DIAPH3: variants seen among roughly 807,000 people sequenced by gnomAD.
DIAPH3 encodes diaphanous related formin 3.
Under a neutral mutation model 144.3 loss-of-function variants are expected in DIAPH3, and 117 were observed. The observed-to-expected ratio is 0.81, with a 90% confidence interval of 0.70 to 0.95. The LOEUF (loss-of-function observed/expected upper bound fraction) is 0.95. Ranked by LOEUF, DIAPH3 falls within the 40% of genes least tolerant of loss-of-function variation. The pLI is 0.00. For synonymous variants in DIAPH3, 519 were observed against 488.9 expected, an observed-to-expected ratio of 1.06 and a Z score of -0.81; for missense variants, 1,421 against 1,412.7, an observed-to-expected ratio of 1.01 and a Z score of -0.09.
chr13:59,711,725 T>A (rs1252343730), intron 27 of DIAPH3, among the ~76,000 whole-genome samples: 1 of 152,230 alleles, frequency 6.6e-6, no homozygotes, highest in Non-Finnish European at 1.5e-5. Flanking sequence ...TATGTTCCTA[T>A]ATTAGGTGAA....
intron 17 of DIAPH3, among the ~76,000 whole-genome samples, chr13:59,926,263 C>T (rs2047746883): frequency 6.6e-6 from 1 of 152,180 alleles, no homozygotes; most frequent in African/African-American, 2.4e-5. Flanking sequence ...GCTAAGATTA[C>T]AGGTGTGAGC....
chr13:59,921,146 AT>A (rs1455783430), intron 18 of DIAPH3, among the ~76,000 whole-genome samples: 2 of 151,174 alleles, frequency 1.3e-5, no homozygotes, highest in East Asian at 1.9e-4. Flanking sequence ...AAAAAAAAAA[AT>A]CTCAAACAAC....
chr13:59,702,103 G>A (rs1003810002), intron 27 of DIAPH3, among the ~76,000 whole-genome samples: 2 of 152,028 alleles, frequency 1.3e-5, no homozygotes, highest in Non-Finnish European at 2.9e-5. Flanking sequence ...CAACCTCAAC[G>A]AATAAAGATT....
At chr13:59,978,016 T>C (rs1259216151) in intron 14 of DIAPH3, among the ~76,000 whole-genome samples, 2 of 151,748 alleles carry the variant, frequency 1.3e-5, no homozygotes, top group South Asian at 2.1e-4. Context: ...AAGGCTTCCC[T>C]GGCCACCCAT....
At chr13:59,784,966 T>A (rs188503283) in intron 25 of DIAPH3, among the ~76,000 whole-genome samples, 134 of 152,314 alleles carry the variant, frequency 8.8e-4, no homozygotes, top group African/African-American at 3.0e-3. Context: ...GGTAACCCAG[T>A]TCAGTCTTTA....
chr13:59,937,620 G>A (rs960582293), intron 17 of DIAPH3, among the ~76,000 whole-genome samples: 1 of 152,172 alleles, frequency 6.6e-6, no homozygotes, highest in Admixed American at 6.6e-5. Context: ...CAGCCAGAGT[G>A]ATTATCCAAA....
chr13:59,787,848 G>A (rs1307701344), intron 25 of DIAPH3, among the ~76,000 whole-genome samples: 1 of 152,190 alleles, frequency 6.6e-6, no homozygotes. Context: ...CATAAGGGCA[G>A]AGCCTTTGTT....
At chr13:60,064,546 C>T (rs569343320) in intron 4 of DIAPH3, among the ~76,000 whole-genome samples, 3 of 152,330 alleles carry the variant, frequency 2.0e-5, no homozygotes, top group Admixed American at 2.0e-4. Flanking sequence ...TCACCTCTCT[C>T]AGCCTTCATA....
intron 27 of DIAPH3, among the ~76,000 whole-genome samples, chr13:59,770,061 C>A (rs1384010324): frequency 6.6e-6 from 1 of 151,894 alleles, no homozygotes; most frequent in African/African-American, 2.4e-5. Context: ...AGTGAGTAAC[C>A]AAATCGAAAT....
intron 24 of DIAPH3, among the ~76,000 whole-genome samples, chr13:59,824,206 T>C (rs989126284): frequency 6.6e-6 from 1 of 152,182 alleles, no homozygotes; most frequent in South Asian, 2.1e-4. Context: ...TATAATGAGA[T>C]TGAAAATGTA....
intron 1 of DIAPH3, among the ~76,000 whole-genome samples, chr13:60,161,942 A>T (rs1594810781): frequency 6.6e-6 from 1 of 152,240 alleles, no homozygotes; most frequent in East Asian, 1.9e-4. Context: ...GGAAGATATA[A>T]CTAAAGAAAT....
At chr13:59,871,267 C>T (rs1045883168) in intron 21 of DIAPH3, among the ~76,000 whole-genome samples, 2 of 151,776 alleles carry the variant, frequency 1.3e-5, no homozygotes, top group African/African-American at 2.4e-5. Flanking sequence ...GTTTATTCTG[C>T]CCCAATCTTT....
intron 25 of DIAPH3, among the ~76,000 whole-genome samples, chr13:59,787,106 CAATAAT>C (rs1004955525): frequency 6.6e-6 from 1 of 151,940 alleles, no homozygotes; most frequent in African/African-American, 2.4e-5. Flanking sequence ...GTCTCAATAA[CAATAAT>C]AATAATGTGT....
At chr13:59,848,466 C>T (rs1202480641) in intron 22 of DIAPH3, among the ~76,000 whole-genome samples, 1 of 150,440 alleles carries the variant, frequency 6.6e-6, no homozygotes. Context: ...TCCCTCCCCG[C>T]TCCCCCCACC....
At chr13:59,698,116 G>T (rs1398693926) in intron 27 of DIAPH3, among the ~76,000 whole-genome samples, 4 of 152,130 alleles carry the variant, frequency 2.6e-5, no homozygotes, top group Admixed American at 2.6e-4. Flanking sequence ...AATGCTTATT[G>T]TTCAACCACT....
chr13:59,677,183 C>T (rs17057006), intron 27 of DIAPH3, among the ~76,000 whole-genome samples: 6,636 of 152,020 alleles, frequency 0.044, 223 homozygotes, highest in South Asian at 0.1. Flanking sequence ...TATTACCTTG[C>T]TTCACTTAAT....
chr13:60,130,168 C>T (rs1427071044), intron 2 of DIAPH3, among the ~76,000 whole-genome samples: 1 of 152,206 alleles, frequency 6.6e-6, no homozygotes, highest in Non-Finnish European at 1.5e-5. Context: ...TCCAACAATG[C>T]TCTTTCTACA....
At chr13:59,777,712 C>A (rs1021437761) in intron 25 of DIAPH3, among the ~76,000 whole-genome samples, 3 of 152,144 alleles carry the variant, frequency 2.0e-5, no homozygotes, top group Admixed American at 2.0e-4. Flanking sequence ...AGGCAACAAT[C>A]ATAGAAGTCC....
chr13:59,988,711 T>G (rs1283957067), intron 12 of DIAPH3, among the ~76,000 whole-genome samples: 7 of 151,900 alleles, frequency 4.6e-5, no homozygotes, highest in Non-Finnish European at 7.4e-5. Flanking sequence ...ATGCTATTTT[T>G]GTTGGAGGAG....
Sources: gnomAD v4.1 joint callset for allele counts (sites outside exome capture counted in the v4.1 genomes callset) on GRCh38, gnomAD v4.1.1 for gene constraint, MANE v1.5 for transcripts, NCBI Gene and HGNC (gene_info 2026-07-23, HGNC 2026-07-21) for gene names.